TMEM106B: variants seen among roughly 807,000 people sequenced by gnomAD.
The protein encoded by TMEM106B is transmembrane protein 106B.
In TMEM106B, 15 loss-of-function variants were observed where a neutral mutation model predicts 31.1. The observed-to-expected ratio is 0.48, with a 90% CI of 0.32 to 0.74. The LOEUF (loss-of-function observed/expected upper bound fraction) is 0.74, where lower values mean the gene tolerates loss of function less well. TMEM106B is among the 30% of genes least tolerant of loss of function. TMEM106B has a pLI of 0.03. For missense variants in TMEM106B, 283 were observed against 327.3 expected, an observed-to-expected ratio of 0.86 and a Z score of 1.04; for synonymous variants, 126 against 112.5, an observed-to-expected ratio of 1.12 and a Z score of -0.76.
chr7:12,230,983 T>C, intron 6 of TMEM106B, 79 bp from the exon 7 acceptor site: 1 of 962,288 alleles, frequency 1.0e-6, no homozygotes, highest in Non-Finnish European at 1.6e-6. Flanking sequence ...GCATCTCTGT[T>C]AGCTTTAAGA....
rs1346792546 is a variant in TMEM106B at position 12,242,479 on chromosome 7, A to G, written c.*10504A>G. ...TAACTTGTTAACATTTTTTTATTTTAGAATAAATCTAAACAGAGACCACAC... is the reference window on the plus strand; with the variant it reads ...TAACTTGTTAACATTTTTTTATTTTGGAATAAATCTAAACAGAGACCACAC... On this transcript the variant is annotated 3_prime_UTR_variant, in exon 8 of 8. Coordinates refer to ENST00000396668, the MANE Select transcript of TMEM106B (RefSeq NM_001134232.2). 2.6e-5 allele frequency: 4 copies of G among 151,480 alleles called. No individual in the cohort carries two copies. The highest frequency in any genetic ancestry group is 9.7e-5 in the African/African-American group (4 of 41,326). The allele number at this position is 151,480 out of a possible 1,614,324, so 9.4% of individuals were successfully genotyped here.
chr7:12,229,627 T>C, intron 4 of TMEM106B, 52 bp from the exon 5 acceptor site: 1 of 1,350,386 alleles, frequency 7.4e-7, no homozygotes, highest in Non-Finnish European at 9.8e-7. Context: ...TTTAAATACA[T>C]ATTTGTATAT....
intron 3 of TMEM106B, among the ~76,000 whole-genome samples, chr7:12,221,237 A>G (rs1164181335): frequency 6.6e-6 from 1 of 152,198 alleles, no homozygotes; most frequent in Non-Finnish European, 1.5e-5. Flanking sequence ...CAAAACTGAA[A>G]TAATTATTTT....
chr7:12,213,712 C>T (rs369068263), intron 1 of TMEM106B, among the ~76,000 whole-genome samples: 1 of 152,100 alleles, frequency 6.6e-6, no homozygotes, highest in Non-Finnish European at 1.5e-5. Flanking sequence ...GTAAATGGCT[C>T]CTTTGTTTCA....
Position 12,214,893 on chromosome 7 carries a change from A to G in TMEM106B, c.83A>G (p.Asn28Ser), listed in dbSNP as rs138655153. 1.2e-6 allele frequency: 2 copies of G among 1,613,982 alleles called. No homozygotes were observed. The highest frequency in any genetic ancestry group is 2.7e-5 in the African/African-American group (2 of 74,938). The part of the protein sequence containing the change: ...YDGVTSENMR[N>S]GLVNSEVHNE... ...GGAGTCACATCTGAAAACATGAGGA[A>G]TGGACTGGTTAATAGTGAAGTCCAT... The change falls in exon 2 of 8, where the codon AAT becomes AGT. Residue 28 changes from asparagine to serine, a missense_variant. By Grantham distance (46) the Asn-to-Ser change is conservative. Coordinates refer to ENST00000396668, the MANE Select transcript of TMEM106B (RefSeq NM_001134232.2).
chr7:12,215,753 GAAT>G (rs1781674788), intron 2 of TMEM106B: 1 of 196,558 alleles, frequency 5.1e-6, no homozygotes, highest in Admixed American at 5.6e-5. Context: ...TAAAGAAGAA[GAAT>G]AAGCTGGCTG....
In TMEM106B at chr7:12,211,384, C is replaced by A. The variant is rs577875887; in HGVS notation, c.-44C>A. Reference sequence around the variant, plus strand: ...CCACGACCCTGTCCTCGGCCCTGTCCGCGCCGAAGCAGCCCGGGACTGCGC... The same window carrying A: ...CCACGACCCTGTCCTCGGCCCTGTCAGCGCCGAAGCAGCCCGGGACTGCGC... On this transcript the variant is annotated 5_prime_UTR_variant, in exon 1 of 8. Transcript: ENST00000396668. 2 of 152,392 alleles carry A rather than the reference C, an allele frequency of 1.3e-5. No individual in the cohort carries two copies. The highest frequency in any genetic ancestry group is 2.4e-5 in the African/African-American group (1 of 41,472). The allele number at this position is 152,392 out of a possible 1,614,324, so 9.4% of individuals were successfully genotyped here.
At position 12,224,328 on chromosome 7, in the gene TMEM106B, A is replaced by T; in HGVS notation, c.384A>T (p.Val128=). 6.2e-7 allele frequency: 1 copy of T among 1,614,034 alleles called. No homozygotes were observed. The highest frequency in any genetic ancestry group is 8.5e-7 in the Non-Finnish European group (1 of 1,179,932). ...CTATCGACGTGAAATACATTGGTGT[A>T]AAATCAGCCTATGTCAGTTATGATG... ...PRSIDVKYIG[V]KSAYVSYDVQ... is the part of the protein sequence containing the mutation. The change falls in exon 4 of 8, where the codon GTA becomes GTT. Residue 128 remains valine, a synonymous_variant. Transcript: ENST00000396668.
intron 4 of TMEM106B, among the ~76,000 whole-genome samples, chr7:12,228,599 T>C (rs1258283344): frequency 6.6e-6 from 1 of 151,928 alleles, no homozygotes; most frequent in Non-Finnish European, 1.5e-5. Flanking sequence ...CATCCTAATG[T>C]TTTTATTTCT....
At chr7:12,213,393 T>C (rs1224812068) in intron 1 of TMEM106B, among the ~76,000 whole-genome samples, 1 of 152,212 alleles carries the variant, frequency 6.6e-6, no homozygotes, top group African/African-American at 2.4e-5. Flanking sequence ...AGAGTGGTGA[T>C]TGTATTTATC....
At chr7:12,218,393 G>C in intron 2 of TMEM106B, 65 bp from the exon 3 acceptor site, 1 of 1,369,410 alleles carries the variant, frequency 7.3e-7, no homozygotes, top group Non-Finnish European at 1.0e-6. Flanking sequence ...ACCAGATTGT[G>C]ATGGGGAGCC....
Position 12,237,622 on chromosome 7 carries a change from T to G in TMEM106B, c.*5647T>G, listed in dbSNP as rs1421406811. The stretch of plus-strand genomic sequence containing the variant: ...TATGAAAGTTATGTTTACATCATAC[T>G]GTAGTCTATTAAGTGTGCAATAGCA... On this transcript the variant is annotated 3_prime_UTR_variant, in exon 8 of 8. Transcript: ENST00000396668. 2 of 152,098 alleles carry G rather than the reference T, an allele frequency of 1.3e-5. 1 individual carries two copies. Among genetic ancestry groups the G allele is most frequent in the Admixed American group, 1.3e-4 (2 of 15,254 alleles). 9.4% of individuals were successfully genotyped at this position (152,098 alleles called of 1,614,324 possible). A position where few individuals can be genotyped will look rare whatever the true frequency, so the allele number is the denominator to read the frequency against.
At position 12,240,953 on chromosome 7, in the gene TMEM106B, T is replaced by C. The variant is rs1388458465; in HGVS notation, c.*8978T>C. Reference sequence around the variant, plus strand: ...GCTTTGGTTTATGGGTGAAACATAATTTATAACTAGGCAAATGTCAGCTTA... The same window carrying C: ...GCTTTGGTTTATGGGTGAAACATAACTTATAACTAGGCAAATGTCAGCTTA... On this transcript the variant is annotated 3_prime_UTR_variant, in exon 8 of 8. Coordinates refer to ENST00000396668, the MANE Select transcript of TMEM106B (RefSeq NM_001134232.2). 1 of 152,158 alleles carries C rather than the reference T, an allele frequency of 6.6e-6. No individual in the cohort carries two copies. The highest frequency in any genetic ancestry group is 2.4e-5 in the African/African-American group (1 of 41,448). The allele number at this position is 152,158 out of a possible 1,614,324, so 9.4% of individuals were successfully genotyped here.
At chr7:12,220,586 A>G (rs1036402778) in intron 3 of TMEM106B, among the ~76,000 whole-genome samples, 7 of 152,220 alleles carry the variant, frequency 4.6e-5, no homozygotes, top group Non-Finnish European at 7.3e-5. Context: ...TGCCATTTCT[A>G]TCACAGTGGC....
At position 12,234,561 on chromosome 7, in the gene TMEM106B, T is replaced by C. The variant is rs754034105; in HGVS notation, c.*2586T>C. Reference sequence around the variant, plus strand: ...GAAAGAGTGAATGAGGCTTTTAGCTTTTCTTAGGTCAATGTCCAGTGTGCT... The same window carrying C: ...GAAAGAGTGAATGAGGCTTTTAGCTCTTCTTAGGTCAATGTCCAGTGTGCT... On this transcript the variant is annotated 3_prime_UTR_variant, in exon 8 of 8. Transcript: ENST00000396668. 6.6e-6 allele frequency: 1 copy of C among 151,866 alleles called. No individual in the cohort carries two copies. Among genetic ancestry groups the C allele is most frequent in the Non-Finnish European group, 1.5e-5 (1 of 67,806 alleles). The allele number at this position is 151,866 out of a possible 1,614,324, so 9.4% of individuals were successfully genotyped here.
At chr7:12,225,497 T>A (rs1040326559) in intron 4 of TMEM106B, among the ~76,000 whole-genome samples, 8 of 152,180 alleles carry the variant, frequency 5.3e-5, no homozygotes, top group Non-Finnish European at 1.2e-4. Context: ...AGTGTAAAAG[T>A]GTTCCTATTT....
At chr7:12,220,532 C>T (rs1583452614) in intron 3 of TMEM106B, among the ~76,000 whole-genome samples, 1 of 152,238 alleles carries the variant, frequency 6.6e-6, no homozygotes, top group Admixed American at 6.5e-5. Flanking sequence ...AAAAGATGTC[C>T]AATCTTGCTC....
rs2128528053 is a variant in TMEM106B, at chr7:12,232,157, T to A, written c.*182T>A. The A allele has an allele frequency of 8.7e-6, 4 of 458,898 alleles. No individual in the cohort carries two copies. The South Asian group carries it at 2.1e-4, about 24-fold the overall frequency. The allele number at this position is 458,898 out of a possible 1,614,324, so 28.4% of individuals were successfully genotyped here. A position where few individuals can be genotyped will look rare whatever the true frequency, so the allele number is the denominator to read the frequency against. ...AACTCTCCACTCTGTGTTAATGATA[T>A]ATTTGTACTAGGATCTTTTACTTGA... On this transcript the variant is annotated 3_prime_UTR_variant, in exon 8 of 8. Coordinates refer to ENST00000396668, the MANE Select transcript of TMEM106B (RefSeq NM_001134232.2).
Position 12,240,260 on chromosome 7 carries a change from C to G in TMEM106B, c.*8285C>G, listed in dbSNP as rs540743350. On this transcript the variant is annotated 3_prime_UTR_variant, in exon 8 of 8. Coordinates refer to ENST00000396668, the MANE Select transcript of TMEM106B (RefSeq NM_001134232.2). ...AATTATTTGCCCATGTTTTTTATCC[C>G]CCAATTCTATCTTTTTCAATGCCCA... 1.3e-5 allele frequency: 2 copies of G among 152,044 alleles called. No homozygotes were observed. The highest frequency in any genetic ancestry group is 1.3e-4 in the Admixed American group (2 of 15,250). The allele number at this position is 152,044 out of a possible 1,614,324, so 9.4% of individuals were successfully genotyped here. A position where few individuals can be genotyped will look rare whatever the true frequency, so the allele number is the denominator to read the frequency against.
Sources: allele counts gnomAD v4.1 joint callset (sites outside exome capture counted in the v4.1 genomes callset), GRCh38; gene constraint gnomAD v4.1.1; transcripts MANE v1.5; gene names NCBI Gene and HGNC (gene_info 2026-07-23, HGNC 2026-07-21).